Variants in RAB11FIP3 observed in about 807,000 individuals in gnomAD.
The protein encoded by RAB11FIP3 is RAB11 family interacting protein 3.
RAB11FIP3 carries 17 observed loss-of-function variants against 77.8 expected under a neutral mutation model. The observed-to-expected ratio is 0.22, with a 90% confidence interval of 0.15 to 0.33. The LOEUF is 0.33. Among genes scored for constraint, RAB11FIP3 ranks in the 10% least tolerant of loss-of-function variants. The probability of loss-of-function intolerance (pLI) is 1.00; values close to 1 mark genes in which losing one functional copy is unlikely to be tolerated. For missense variants in RAB11FIP3, 1,005 were observed against 1,011.2 expected (o/e 0.99, Z 0.08); for synonymous variants, 437 against 448.2 (o/e 0.98, Z 0.31).
At chr16:512,458 T>G (rs1177751319) in intron 9 of RAB11FIP3, among the ~76,000 whole-genome samples, 1 of 151,966 alleles carries the variant, frequency 6.6e-6, no homozygotes, top group Non-Finnish European at 1.5e-5. Context: ...GCCAGGATGG[T>G]CTTGATCTCC....
chr16:492,421 C>G lies in RAB11FIP3; in HGVS notation c.1265+3421C>G, dbSNP rs992939662. ...CCGGGAGACCCGAGGCCGCCCAGGG[C>G]CCTCCCCGGGAGACCCGAGGCCGCC... On this transcript the variant is annotated intron_variant, in intron 5 of 13. Coordinates refer to ENST00000262305, the MANE Select transcript of RAB11FIP3 (RefSeq NM_014700.4). 1.9e-4 allele frequency among the ~76,000 whole-genome samples: 27 copies of G among 139,642 alleles called. 1 individual carries two copies. The highest frequency in any genetic ancestry group is 7.1e-4 in the African/African-American group (25 of 34,978). 91.6% of individuals were successfully genotyped at this position (139,642 alleles called of 152,430 possible). A position where few individuals can be genotyped will look rare whatever the true frequency, so the allele number is the denominator to read the frequency against.
chr16:509,522 T>C (rs950568454), intron 8 of RAB11FIP3, among the ~76,000 whole-genome samples: 1 of 152,278 alleles, frequency 6.6e-6, no homozygotes, highest in Non-Finnish European at 1.5e-5. Flanking sequence ...TGGGCTGTGC[T>C]GTGTCAGTGG....
rs570083328 is a variant in RAB11FIP3, at chr16:427,452, A to T, written c.714+732A>T. ...GGCACTACGCACAGTACAGTGTGGA[A>T]GGGGTCCACGCGGTCCTCAGGGCAC... is the stretch of plus-strand genomic sequence containing the variant. On this transcript the variant is annotated intron_variant, in intron 1 of 13. Transcript: ENST00000262305. 2.3e-4 allele frequency among the ~76,000 whole-genome samples: 35 copies of T among 152,332 alleles called. 1 individual carries two copies. The South Asian group carries it at 7.0e-3, about 31-fold the overall frequency.
At chr16:515,884 C>T (rs930773769) in intron 9 of RAB11FIP3, among the ~76,000 whole-genome samples, 3 of 152,218 alleles carry the variant, frequency 2.0e-5, no homozygotes, top group African/African-American at 4.8e-5. Flanking sequence ...CACCCACATA[C>T]AGCTGGATCA....
At chr16:455,977 G>C (rs995234116) in intron 1 of RAB11FIP3, among the ~76,000 whole-genome samples, 1 of 152,160 alleles carries the variant, frequency 6.6e-6, no homozygotes, top group African/African-American at 2.4e-5. Flanking sequence ...AGTTATCTCT[G>C]TTAAAATGAA....
rs1264840321 is a variant in RAB11FIP3 at position 519,256 on chromosome 16, T to C, written c.1722+232T>C. On this transcript the variant is annotated intron_variant, in intron 10 of 13. Transcript: ENST00000262305. ...GACCCAGGGCTCTGAATCTGGGAAT[T>C]GTCCTCCAAGGGGAAGGCATCAGCC... 5.3e-6 allele frequency: 3 copies of C among 565,632 alleles called. No individual in the cohort carries two copies. In the Admixed American group the frequency reaches 9.7e-5, roughly 18 times the overall value. 35.0% of individuals were successfully genotyped at this position (565,632 alleles called of 1,614,324 possible). A position where few individuals can be genotyped will look rare whatever the true frequency, so the allele number is the denominator to read the frequency against.
chr16:440,874 C>A (rs189615515), intron 1 of RAB11FIP3, among the ~76,000 whole-genome samples: 1 of 152,068 alleles, frequency 6.6e-6, no homozygotes, highest in African/African-American at 2.4e-5. Context: ...CCTGGCTGCC[C>A]TCTTCCCACC....
At chr16:447,042 C>G (rs952308154) in intron 1 of RAB11FIP3, among the ~76,000 whole-genome samples, 23 of 151,624 alleles carry the variant, frequency 1.5e-4, no homozygotes, top group African/African-American at 5.6e-4. Context: ...TGATGGCTCA[C>G]AGCTATAGTC....
At chr16:436,140 C>T (rs1044718726) in intron 1 of RAB11FIP3, among the ~76,000 whole-genome samples, 9 of 152,078 alleles carry the variant, frequency 5.9e-5, no homozygotes, top group Non-Finnish European at 1.3e-4. Flanking sequence ...GAAACCCTGT[C>T]CCTGCTAAAA....
At chr16:496,438 C>T (rs747215335) in intron 5 of RAB11FIP3, among the ~76,000 whole-genome samples, 10 of 152,218 alleles carry the variant, frequency 6.6e-5, no homozygotes, top group African/African-American at 9.7e-5. Flanking sequence ...CCTGTCACAG[C>T]GGGGCCTGGG....
intron 10 of RAB11FIP3, 44 bp from the exon 11 acceptor site, chr16:519,710 G>A (rs941118565): frequency 1.3e-6 from 2 of 1,598,630 alleles, no homozygotes; most frequent in South Asian, 1.1e-5. Context: ...GCATGCACAG[G>A]TAGGTGCGTG....
chr16:512,247 G>T (rs1046271957), intron 9 of RAB11FIP3, among the ~76,000 whole-genome samples: 1 of 151,320 alleles, frequency 6.6e-6, no homozygotes, highest in Admixed American at 6.6e-5. Context: ...TTGGGTGGGG[G>T]TGGGTGGGTT....
chr16:469,212 A>T (rs756754731), intron 2 of RAB11FIP3, among the ~76,000 whole-genome samples: 13 of 151,614 alleles, frequency 8.6e-5, no homozygotes, highest in Non-Finnish European at 1.9e-4. Flanking sequence ...AGTAGCTGGG[A>T]TTACAGGCAC....
At chr16:486,888 T>TC (rs2056165331) in intron 4 of RAB11FIP3, among the ~76,000 whole-genome samples, 1 of 152,168 alleles carries the variant, frequency 6.6e-6, no homozygotes, top group Admixed American at 6.5e-5. Context: ...CTGATTCTCC[T>TC]CCCCTCAGAG....
intron 1 of RAB11FIP3, among the ~76,000 whole-genome samples, chr16:448,432 C>T (rs950009677): frequency 6.7e-6 from 1 of 150,302 alleles, no homozygotes. Flanking sequence ...GGAGAAACGC[C>T]GTCTACTAAA....
At chr16:447,772 T>C (rs1396839585) in intron 1 of RAB11FIP3, among the ~76,000 whole-genome samples, 2 of 152,190 alleles carry the variant, frequency 1.3e-5, no homozygotes, top group Non-Finnish European at 2.9e-5. Flanking sequence ...GTATAAATTA[T>C]ACCTGTCTCC....
chr16:433,450 C>T (rs574427825), intron 1 of RAB11FIP3, among the ~76,000 whole-genome samples: 39 of 151,908 alleles, frequency 2.6e-4, no homozygotes, highest in African/African-American at 8.0e-4. Context: ...AGAGTAAAAA[C>T]GTGATATTTG....
chr16:467,587 G>T (rs1454149305), intron 2 of RAB11FIP3, among the ~76,000 whole-genome samples: 1 of 108,602 alleles, frequency 9.2e-6, no homozygotes, highest in Non-Finnish European at 2.0e-5. Context: ...AGGAGGTGCT[G>T]GGGCCTCAGG....
At chr16:431,074 ATG>A (rs373073848) in intron 1 of RAB11FIP3, among the ~76,000 whole-genome samples, 8 of 151,838 alleles carry the variant, frequency 5.3e-5, no homozygotes, top group Non-Finnish European at 1.0e-4. Flanking sequence ...GAGAGTGAGC[ATG>A]TGTGTGTGTG....
Sources: allele counts gnomAD v4.1 joint callset (sites outside exome capture counted in the v4.1 genomes callset), GRCh38; gene constraint gnomAD v4.1.1; transcripts MANE v1.5; gene names NCBI Gene and HGNC (gene_info 2026-07-23, HGNC 2026-07-21).